Variants in GRIA3 observed in about 807,000 individuals in gnomAD.
The protein encoded by GRIA3 is glutamate receptor 3.
GRIA3 carries 3 observed loss-of-function variants against 63.0 expected under a neutral mutation model. The observed-to-expected ratio is 0.05, with a 90% CI of 0.02 to 0.12. The LOEUF is 0.12. Among genes scored for constraint, GRIA3 ranks in the 10% least tolerant of loss-of-function variants. GRIA3 has a pLI of 1.00. For missense variants in GRIA3, 347 were observed against 700.9 expected (o/e 0.50, Z 5.70); for synonymous variants, 274 against 257.9 (o/e 1.06, Z -0.60).
At chrX:123,210,452 G>A (rs1408693685) in intron 2 of GRIA3, among the ~76,000 whole-genome samples, 2 of 111,187 alleles carry the variant, frequency 1.8e-5, no homozygotes, top group Admixed American at 9.6e-5. Context: ...AGCTTCTGCT[G>A]ACACTTCACT....
chrX:123,385,157 T>C lies in GRIA3; in HGVS notation c.751-9811T>C, dbSNP rs777366491. ...GTTTTACATTTAAGTCCTTAATCCA[T>C]CTTGAGTTGATTTTTGTATATGGTG... On this transcript the variant is annotated intron_variant, in intron 5 of 15. Coordinates refer to ENST00000620443, the MANE Select transcript of GRIA3 (RefSeq NM_007325.5). Among the ~76,000 whole-genome samples the C allele has an allele frequency of 3.2e-4, 36 of 112,000 alleles. No homozygotes were observed. In the East Asian group the frequency reaches 9.2e-3, roughly 29 times the overall value.
At chrX:123,481,842 T>C (rs2045914246) in intron 14 of GRIA3, among the ~76,000 whole-genome samples, 1 of 112,122 alleles carries the variant, frequency 8.9e-6, no homozygotes, top group South Asian at 3.7e-4. Context: ...TAGTCAGATT[T>C]GCACAGTTTG....
At chrX:123,249,886 C>A (rs2044379444) in intron 2 of GRIA3, among the ~76,000 whole-genome samples, 1 of 111,433 alleles carries the variant, frequency 9.0e-6, no homozygotes, top group African/African-American at 3.3e-5. Flanking sequence ...ATAAGTTCTT[C>A]TTTTGTCTCA....
At chrX:123,414,218 G>A (rs2045523243) in intron 10 of GRIA3, among the ~76,000 whole-genome samples, 1 of 111,122 alleles carries the variant, frequency 9.0e-6, no homozygotes, top group Non-Finnish European at 1.9e-5. Context: ...AAAGGTGGGA[G>A]GAGTGTTTTC....
chrX:123,325,402 T>C (rs911530855), intron 3 of GRIA3, among the ~76,000 whole-genome samples: 3 of 112,109 alleles, frequency 2.7e-5, no homozygotes, highest in Non-Finnish European at 5.6e-5. Context: ...CAGGAATTCC[T>C]GGTAAATTTA....
At chrX:123,339,023 A>C (rs1451733705) in intron 4 of GRIA3, among the ~76,000 whole-genome samples, 3 of 112,265 alleles carry the variant, frequency 2.7e-5, no homozygotes, top group Non-Finnish European at 5.6e-5. Flanking sequence ...AGCTTAGCTT[A>C]AAAGTTGTCA....
At chrX:123,308,285 T>C (rs902690148) in intron 3 of GRIA3, among the ~76,000 whole-genome samples, 1 of 111,995 alleles carries the variant, frequency 8.9e-6, no homozygotes, top group African/African-American at 3.2e-5. Context: ...AAAATGTACA[T>C]TCTGGTTCAT....
chrX:123,185,508 A>G (rs113585022), intron 1 of GRIA3, among the ~76,000 whole-genome samples: 75 of 40,962 alleles, frequency 1.8e-3, no homozygotes, highest in Admixed American at 4.3e-3. Context: ...CGGGGGGCGG[A>G]GGGGGGGGGC....
intron 4 of GRIA3, among the ~76,000 whole-genome samples, chrX:123,354,518 C>CA (rs113396554): frequency 0.04 from 4,317 of 106,793 alleles, 150 homozygotes; most frequent in African/African-American, 0.11. Flanking sequence ...ATAAAAACAA[C>CA]AAAAAAAAAA....
chrX:123,391,234 T>C, intron 5 of GRIA3, among the ~76,000 whole-genome samples: 1 of 111,742 alleles, frequency 8.9e-6, no homozygotes. Context: ...TTTTGTGTCC[T>C]TGCATTGATA....
intron 4 of GRIA3, among the ~76,000 whole-genome samples, chrX:123,336,960 A>G (rs1240506855): frequency 8.9e-6 from 1 of 112,148 alleles, no homozygotes; most frequent in Non-Finnish European, 1.9e-5. Flanking sequence ...ACTGCACCTC[A>G]TTTCTTAAGG....
intron 2 of GRIA3, among the ~76,000 whole-genome samples, chrX:123,208,160 T>C (rs1927942960): frequency 8.9e-6 from 1 of 112,634 alleles, no homozygotes. Context: ...AGGCAGTCAT[T>C]TCCCTTGCTA....
At chrX:123,413,348 G>A (rs1368454747) in intron 10 of GRIA3, among the ~76,000 whole-genome samples, 1 of 108,796 alleles carries the variant, frequency 9.2e-6, no homozygotes, top group Non-Finnish European at 1.9e-5. Flanking sequence ...AGACTTAAAA[G>A]ATGAAAAATA....
At chrX:123,469,911 C>T (rs112710463) in intron 13 of GRIA3, among the ~76,000 whole-genome samples, 3,115 of 111,967 alleles carry the variant, frequency 0.028, 119 homozygotes, top group African/African-American at 0.095. Flanking sequence ...GCACCAGCTT[C>T]GCTTTCCCAT....
intron 4 of GRIA3, among the ~76,000 whole-genome samples, chrX:123,330,433 A>G (rs1288814629): frequency 2.7e-5 from 3 of 112,327 alleles, no homozygotes; most frequent in East Asian, 5.6e-4. Flanking sequence ...TAAGTTACTC[A>G]TTAAATAAAT....
intron 12 of GRIA3, among the ~76,000 whole-genome samples, chrX:123,453,135 C>G (rs1472657627): frequency 3.6e-5 from 4 of 111,836 alleles, no homozygotes; most frequent in Non-Finnish European, 7.5e-5. Context: ...AGACTTGGAA[C>G]CAACCCAAAT....
chrX:123,417,551 C>A lies in GRIA3; in HGVS notation c.1650C>A (p.Pro550=), dbSNP rs1441466326. ...SKPGVFSFLD[P]LAYEIWMCIV... is the part of the protein sequence containing the mutation. ...CAGGCGTATTCTCATTTCTGGATCC[C>A]CTGGCTTATGAAATCTGGATGTGCA... is the stretch of plus-strand genomic sequence containing the variant. Residue 550 remains proline, a synonymous_variant, in exon 11 of 16, where the codon CCC becomes CCA. Coordinates refer to ENST00000620443, the MANE Select transcript of GRIA3 (RefSeq NM_007325.5). 1.7e-6 allele frequency: 2 copies of A among 1,207,783 alleles called. No individual in the cohort carries two copies. Among genetic ancestry groups the A allele is most frequent in the Non-Finnish European group, 2.2e-6 (2 of 893,779 alleles).
At chrX:123,298,792 A>G (rs2044702025) in intron 3 of GRIA3, among the ~76,000 whole-genome samples, 1 of 111,547 alleles carries the variant, frequency 9.0e-6, no homozygotes, top group African/African-American at 3.3e-5. Context: ...TGTCTTCCTC[A>G]TGAAATCTTT....
At chrX:123,383,857 C>T (rs1032327610) in intron 5 of GRIA3, among the ~76,000 whole-genome samples, 1 of 111,101 alleles carries the variant, frequency 9.0e-6, no homozygotes, top group Non-Finnish European at 1.9e-5. Context: ...TCTCCCTCCT[C>T]TCAGCCTCCA....
Sources: allele counts gnomAD v4.1 joint callset (sites outside exome capture counted in the v4.1 genomes callset), GRCh38; gene constraint gnomAD v4.1.1; transcripts MANE v1.5; gene names NCBI Gene and HGNC (gene_info 2026-07-23, HGNC 2026-07-21).